The following CHD6 variants were observed in gnomAD, a reference collection of about 807,000 sequenced individuals.
CHD6 encodes ATP-dependent chromatin remodeler CHD6.
Under a neutral mutation model 276.9 loss-of-function variants are expected in CHD6, and 50 were observed. The ratio of observed to expected loss-of-function variants is 0.18; its 90% CI spans 0.14 to 0.23. The LOEUF (loss-of-function observed/expected upper bound fraction) is 0.23. Ranked by LOEUF, CHD6 falls within the 10% of genes least tolerant of loss-of-function variation. The probability of loss-of-function intolerance (pLI) is 1.00; values close to 1 mark genes in which losing one functional copy is unlikely to be tolerated. For missense variants in CHD6, 2,564 were observed against 3,365.8 expected (o/e 0.76, Z 5.89); for synonymous variants, 1,173 against 1,229.3 (o/e 0.95, Z 0.96).
At chr20:41,498,039 T>A (rs2294564) in intron 7 of CHD6, 129 bp downstream of exon 7, 206,399 of 660,362 alleles carry the variant, frequency 0.31, 38,920 homozygotes, top group African/African-American at 0.66. Flanking sequence ...TAAACTTGAG[T>A]CAGCCAAGAC....
chr20:41,488,764 G>A (rs892091281), intron 12 of CHD6, among the ~76,000 whole-genome samples, 160 bp from the exon 13 acceptor site: 2 of 152,208 alleles, frequency 1.3e-5, no homozygotes, highest in African/African-American at 4.8e-5. Context: ...AAGAATTAAC[G>A]AGCTAGTTAG....
At chr20:41,571,099 T>C (rs1201321885) in intron 1 of CHD6, among the ~76,000 whole-genome samples, 1 of 152,064 alleles carries the variant, frequency 6.6e-6, no homozygotes, top group East Asian at 1.9e-4. Flanking sequence ...GGAGTTACAG[T>C]GGGATTCCAA....
intron 30 of CHD6, among the ~76,000 whole-genome samples, chr20:41,422,696 AAGG>A (rs1356138241): frequency 6.6e-6 from 1 of 152,242 alleles, no homozygotes; most frequent in Non-Finnish European, 1.5e-5. Flanking sequence ...TTTCAAGGAT[AAGG>A]AAATTGGCTC....
Position 41,404,442 on chromosome 20 carries a change from C to T in CHD6, c.*151G>A, listed in dbSNP as rs989378170. The T allele has an allele frequency of 9.7e-6, 13 of 1,341,682 alleles. No individual in the cohort carries two copies. The highest frequency in any genetic ancestry group is 1.2e-5 in the Non-Finnish European group (13 of 1,046,556). The allele number at this position is 1,341,682 out of a possible 1,614,324, so 83.1% of individuals were successfully genotyped here. Reference sequence around the variant, plus strand: ...AGTGGTGAGACCCTGCAACTATTAACATCTGTTACCATAGTTCTCAGACAG... The same window carrying T: ...AGTGGTGAGACCCTGCAACTATTAATATCTGTTACCATAGTTCTCAGACAG... On this transcript the variant is annotated 3_prime_UTR_variant, in exon 37 of 37. Transcript: ENST00000373233.
chr20:41,575,465 G>A (rs2045464487), intron 1 of CHD6, among the ~76,000 whole-genome samples: 1 of 152,044 alleles, frequency 6.6e-6, no homozygotes, highest in South Asian at 2.1e-4. Flanking sequence ...ACCTGCTATG[G>A]TTCATGTCAT....
intron 26 of CHD6, 95 bp downstream of exon 26, chr20:41,439,905 T>G: frequency 6.9e-6 from 9 of 1,309,440 alleles, no homozygotes; most frequent in Non-Finnish European, 9.7e-6. Context: ...TGCCAGATGC[T>G]GAGGAAGAGA....
chr20:41,602,110 T>C (rs2045779183), intron 1 of CHD6, among the ~76,000 whole-genome samples: 1 of 152,208 alleles, frequency 6.6e-6, no homozygotes, highest in Admixed American at 6.5e-5. Context: ...TCCGTGGTGC[T>C]CTATCTCCTT....
intron 3 of CHD6, among the ~76,000 whole-genome samples, chr20:41,531,750 T>C (rs1220178244): frequency 6.6e-6 from 1 of 152,216 alleles, no homozygotes; most frequent in Non-Finnish European, 1.5e-5. Flanking sequence ...AAACTATCCA[T>C]CTGGTCCCAA....
chr20:41,510,458 C>T (rs2044091610), intron 5 of CHD6, among the ~76,000 whole-genome samples: 1 of 152,196 alleles, frequency 6.6e-6, no homozygotes, highest in Admixed American at 6.5e-5. Flanking sequence ...GGAGGCCAGC[C>T]CCACATGGTC....
intron 1 of CHD6, among the ~76,000 whole-genome samples, chr20:41,591,365 C>CATATAT (rs761622140): frequency 5.4e-4 from 78 of 144,084 alleles, no homozygotes; most frequent in African/African-American, 2.0e-3. Flanking sequence ...TATAATTTTA[C>CATATAT]ATATATATAT....
intron 22 of CHD6, 139 bp downstream of exon 22, chr20:41,451,687 T>A (rs2048245032): frequency 2.7e-6 from 2 of 738,294 alleles, no homozygotes; most frequent in East Asian, 5.1e-5. Context: ...GAAAGCAACA[T>A]CTTTTCCCAC....
At chr20:41,601,556 G>A (rs1453552191) in intron 1 of CHD6, among the ~76,000 whole-genome samples, 1 of 152,182 alleles carries the variant, frequency 6.6e-6, no homozygotes, top group African/African-American at 2.4e-5. Flanking sequence ...GGATCTGCCA[G>A]GAAAGGTATG....
At chr20:41,494,729 C>T (rs1380063463) in intron 8 of CHD6, among the ~76,000 whole-genome samples, 5 of 152,156 alleles carry the variant, frequency 3.3e-5, no homozygotes, top group African/African-American at 1.2e-4. Context: ...ACTTAGGCTG[C>T]AAGGCACTTT....
chr20:41,442,303 T>A (rs952060005), intron 25 of CHD6, among the ~76,000 whole-genome samples: 1 of 151,126 alleles, frequency 6.6e-6, no homozygotes, highest in African/African-American at 2.4e-5. Context: ...AAAAAAAAAA[T>A]TAGCCAGGCA....
chr20:41,435,603 CAAA>C (rs34895530), intron 27 of CHD6, among the ~76,000 whole-genome samples: 3,412 of 110,152 alleles, frequency 0.031, 46 homozygotes, highest in South Asian at 0.057. Flanking sequence ...GACCCTGAGT[CAAA>C]AAAAAAAAAA....
At chr20:41,417,403 A>G in intron 31 of CHD6, 54 bp from the exon 32 acceptor site, 1 of 1,482,634 alleles carries the variant, frequency 6.7e-7, no homozygotes, top group Non-Finnish European at 9.2e-7. Context: ...GTGAGATACT[A>G]GTGATCTGAG....
intron 1 of CHD6, among the ~76,000 whole-genome samples, chr20:41,576,555 T>C (rs776417138): frequency 1.3e-5 from 2 of 152,138 alleles, no homozygotes; most frequent in African/African-American, 4.8e-5. Flanking sequence ...CGTGGTGGCA[T>C]GCACCTGTAG....
At chr20:41,487,886 G>A in intron 13 of CHD6, 78 bp from the exon 14 acceptor site, 1 of 1,483,088 alleles carries the variant, frequency 6.7e-7, no homozygotes. Flanking sequence ...AATTAAGCCA[G>A]GGCATTGAGT....
chr20:41,402,271 T>C lies in CHD6; in HGVS notation c.*2322A>G, dbSNP rs1007571924. 4.0e-5 allele frequency: 9 copies of C among 223,412 alleles called. No individual in the cohort carries two copies. The highest frequency in any genetic ancestry group is 1.1e-4 in the Admixed American group (2 of 17,442). 13.8% of individuals were successfully genotyped at this position (223,412 alleles called of 1,614,324 possible). On this transcript the variant is annotated 3_prime_UTR_variant, in exon 37 of 37. Transcript: ENST00000373233. ...GCTCTTGGAAACGTCAAAATAATCATAAGAAGCACTTGTGCCTTACAGAGC... is the reference window on the plus strand; with the variant it reads ...GCTCTTGGAAACGTCAAAATAATCACAAGAAGCACTTGTGCCTTACAGAGC...
Sources: allele counts gnomAD v4.1 joint callset (sites outside exome capture counted in the v4.1 genomes callset), GRCh38; gene constraint gnomAD v4.1.1; transcripts MANE v1.5; gene names NCBI Gene and HGNC (gene_info 2026-07-23, HGNC 2026-07-21).